RANBP2: variants seen among roughly 807,000 people sequenced by gnomAD.
RANBP2 encodes the protein E3 SUMO-protein ligase RanBP2.
In RANBP2, 57 loss-of-function variants were observed where a neutral mutation model predicts 303.6. The observed-to-expected ratio is 0.19, with a 90% confidence interval of 0.15 to 0.23. The LOEUF is 0.23. Among genes scored for constraint, RANBP2 ranks in the 10% least tolerant of loss-of-function variants. The pLI is 1.00. For synonymous variants in RANBP2, 1,167 were observed against 1,301.5 expected, an observed-to-expected ratio of 0.90 and a Z score of 2.23; for missense variants, 3,138 against 3,780.8, an observed-to-expected ratio of 0.83 and a Z score of 4.46.
At chr2:109,378,883 A>G in the RANBP2 span, among the ~76,000 whole-genome samples, 1 of 152,168 alleles carries the variant, frequency 6.6e-6, no homozygotes, top group East Asian at 1.9e-4. Context: ...CCTCATATGA[A>G]TGCCCTGATC....
chr2:109,131,178 CTAAGGT>C, the RANBP2 span, among the ~76,000 whole-genome samples: 6 of 152,244 alleles, frequency 3.9e-5, no homozygotes, highest in African/African-American at 1.4e-4. Flanking sequence ...CTGCAAATCT[CTAAGGT>C]TAAGGTTAGG....
intron 1 of RANBP2, among the ~76,000 whole-genome samples, chr2:108,724,562 G>A (rs1486600994): frequency 6.6e-6 from 1 of 152,014 alleles, no homozygotes. Context: ...AGGTTTTCTG[G>A]AAGTGTCCTT....
chr2:109,010,608 C>G, the RANBP2 span, among the ~76,000 whole-genome samples: 1 of 152,128 alleles, frequency 6.6e-6, no homozygotes, highest in Non-Finnish European at 1.5e-5. Context: ...AGAGGGAGCT[C>G]TGGGGTCTCT....
the RANBP2 span, among the ~76,000 whole-genome samples, chr2:109,317,783 C>T: frequency 6.6e-6 from 1 of 152,178 alleles, no homozygotes; most frequent in Admixed American, 6.5e-5. Flanking sequence ...TTGTAGTGTC[C>T]TGGTGCTAAC....
the RANBP2 span, among the ~76,000 whole-genome samples, chr2:109,578,949 G>T: frequency 6.6e-6 from 1 of 151,914 alleles, no homozygotes; most frequent in African/African-American, 2.4e-5. Flanking sequence ...TAATGAAACA[G>T]GAAAAAAGAA....
the RANBP2 span, among the ~76,000 whole-genome samples, chr2:109,669,878 C>A: frequency 6.7e-6 from 1 of 150,080 alleles, no homozygotes; most frequent in African/African-American, 2.5e-5. Context: ...CCCCCCGTGC[C>A]CTGGATAGCA....
At chr2:109,686,522 T>C in the RANBP2 span, among the ~76,000 whole-genome samples, 1 of 152,014 alleles carries the variant, frequency 6.6e-6, no homozygotes, top group Admixed American at 6.6e-5. Flanking sequence ...ACCATGTTGG[T>C]CAGTCTGATC....
the RANBP2 span, among the ~76,000 whole-genome samples, chr2:108,880,905 C>A: frequency 6.6e-6 from 1 of 152,194 alleles, no homozygotes; most frequent in Admixed American, 6.5e-5. Context: ...TTTCAACTTT[C>A]AAGTCGATTT....
chr2:109,651,550 G>A, the RANBP2 span, among the ~76,000 whole-genome samples: 1 of 152,190 alleles, frequency 6.6e-6, no homozygotes, highest in African/African-American at 2.4e-5. Flanking sequence ...TCTCAAGGGT[G>A]GCCCTGAAGA....
the RANBP2 span, among the ~76,000 whole-genome samples, chr2:109,291,713 C>G: frequency 6.6e-6 from 1 of 152,224 alleles, no homozygotes; most frequent in Non-Finnish European, 1.5e-5. Context: ...TCCTCTTTGT[C>G]TCCCAAGCCA....
At chr2:109,081,756 A>G in the RANBP2 span, among the ~76,000 whole-genome samples, 1 of 152,058 alleles carries the variant, frequency 6.6e-6, no homozygotes, top group African/African-American at 2.4e-5. Context: ...GGACTTCACA[A>G]CCTGCCGCCG....
the RANBP2 span, among the ~76,000 whole-genome samples, chr2:109,133,853 A>C: frequency 6.6e-6 from 1 of 152,150 alleles, no homozygotes; most frequent in African/African-American, 2.4e-5. Flanking sequence ...ATCCCTGATA[A>C]GCACAGGCTT....
At chr2:109,571,666 G>A in the RANBP2 span, among the ~76,000 whole-genome samples, 1 of 152,316 alleles carries the variant, frequency 6.6e-6, no homozygotes, top group African/African-American at 2.4e-5. Context: ...CTGCAAGACT[G>A]TCCTACACTA....
At chr2:109,253,694 C>G in the RANBP2 span, among the ~76,000 whole-genome samples, 3 of 152,074 alleles carry the variant, frequency 2.0e-5, no homozygotes, top group African/African-American at 7.2e-5. Flanking sequence ...ATTTGGCTGT[C>G]TGGAAAATAG....
chr2:108,926,779 A>T, the RANBP2 span, among the ~76,000 whole-genome samples: 6 of 152,232 alleles, frequency 3.9e-5, 1 homozygote, highest in Admixed American at 3.3e-4. Flanking sequence ...GCCAAACCGC[A>T]GGCAGGGGCC....
chr2:109,066,647 C>A, the RANBP2 span, among the ~76,000 whole-genome samples: 2 of 152,152 alleles, frequency 1.3e-5, no homozygotes, highest in Non-Finnish European at 2.9e-5. Flanking sequence ...AGACCCAGGG[C>A]CCTTGTGTCT....
downstream of RANBP2, chr2:108,787,848 G>C (rs1573884551): frequency 5.7e-6 from 1 of 176,662 alleles, no homozygotes; most frequent in South Asian, 1.9e-4. Flanking sequence ...CCTGCTGTGG[G>C]GAGGAACATG....
chr2:109,488,640 C>T, the RANBP2 span, among the ~76,000 whole-genome samples: 1 of 152,220 alleles, frequency 6.6e-6, no homozygotes, highest in South Asian at 2.1e-4. Context: ...CCAAGCAGTT[C>T]CCGATGTGTG....
the RANBP2 span, among the ~76,000 whole-genome samples, chr2:109,382,449 A>C: frequency 9.6e-3 from 1,454 of 151,786 alleles, 26 homozygotes; most frequent in African/African-American, 0.034. Flanking sequence ...CCACCTCCTG[A>C]CCCCCGACGT....
Sources: allele counts gnomAD v4.1 joint callset (sites outside exome capture counted in the v4.1 genomes callset), GRCh38; gene constraint gnomAD v4.1.1; transcripts MANE v1.5; gene names NCBI Gene and HGNC (gene_info 2026-07-23, HGNC 2026-07-21).